ERI3: variants seen among roughly 807,000 people sequenced by gnomAD.
The protein encoded by ERI3 is ERI1 exoribonuclease 3.
In ERI3, 18 loss-of-function variants were observed where a neutral mutation model predicts 44.4. That is an observed-to-expected ratio of 0.41 (90% confidence interval 0.28 to 0.60). The LOEUF (loss-of-function observed/expected upper bound fraction) is 0.60. ERI3 is among the 20% of genes least tolerant of loss of function. The pLI is 0.36. For synonymous variants in ERI3, 183 were observed against 164.8 expected, an observed-to-expected ratio of 1.11 and a Z score of -0.84; for missense variants, 294 against 435.5, an observed-to-expected ratio of 0.68 and a Z score of 2.89.
intron 7 of ERI3, among the ~76,000 whole-genome samples, chr1:44,273,392 C>T (rs1046068794): frequency 6.6e-6 from 1 of 152,242 alleles, no homozygotes; most frequent in Non-Finnish European, 1.5e-5. Context: ...GGTTCAAATG[C>T]TAGCTTCACC....
chr1:44,349,672 A>C (rs1405323142), intron 2 of ERI3, among the ~76,000 whole-genome samples: 2 of 152,232 alleles, frequency 1.3e-5, no homozygotes, highest in African/African-American at 2.4e-5. Context: ...TTAAAAACTT[A>C]TTAATTATAT....
Position 44,259,689 on chromosome 1 carries a change from GACAC to G in ERI3, c.832-11655_832-11652del, listed in dbSNP as rs58901342. On this transcript the variant is annotated intron_variant, in intron 7 of 8. Coordinates refer to ENST00000372257, the MANE Select transcript of ERI3 (RefSeq NM_024066.3). Reference sequence around the variant, plus strand: ...AAATCCTATCTCTACAAAACACACAGACACACACACACACACACACACACACACA... The same window carrying G: ...AAATCCTATCTCTACAAAACACACAGACACACACACACACACACACACACA... 7.8e-3 allele frequency among the ~76,000 whole-genome samples: 1,089 copies of G among 140,372 alleles called. 3 individuals carry two copies. The highest frequency in any genetic ancestry group is 0.017 in the African/African-American group (595 of 36,052). The allele number at this position is 140,372 out of a possible 152,430, so 92.1% of individuals were successfully genotyped here.
chr1:44,266,893 T>C (rs773946060), intron 7 of ERI3, among the ~76,000 whole-genome samples: 23 of 152,218 alleles, frequency 1.5e-4, no homozygotes, highest in Non-Finnish European at 3.4e-4. Context: ...ATTAATTCCC[T>C]TCCCTCTCAT....
rs59509064 is a variant in ERI3, at chr1:44,241,805, CACATACATACATACATACAT to C, written c.931+6114_931+6133del. 4.0e-5 allele frequency: 7 copies of C among 175,328 alleles called. No individual in the cohort carries two copies. The highest frequency in any genetic ancestry group is 6.8e-5 in the Admixed American group (1 of 14,670). The allele number at this position is 175,328 out of a possible 1,614,324, so 10.9% of individuals were successfully genotyped here. The stretch of plus-strand genomic sequence containing the variant: ...TTCCTAAAGAATCAAACACACATAA[CACATACATACATACATACAT>C]ACATACATACATACATACATACATA... On this transcript the variant is annotated intron_variant, in intron 8 of 8. Coordinates refer to ENST00000372257, the MANE Select transcript of ERI3 (RefSeq NM_024066.3). This position sits in a 1 kb window ranked among gnomAD's most constrained non-coding sequence, Gnocchi z 5.6.
At chr1:44,243,873 A>G (rs1644496697) in intron 8 of ERI3, 1 of 152,158 alleles carries the variant, frequency 6.6e-6, no homozygotes, top group Admixed American at 6.5e-5. Flanking sequence ...AGGGTGCTTC[A>G]TAGTTCCACA....
intron 3 of ERI3, chr1:44,323,098 C>A: frequency 2.1e-6 from 1 of 478,142 alleles, no homozygotes; most frequent in Non-Finnish European, 3.4e-6. Context: ...AAAAGTAGCA[C>A]CAGGAAGGAA....
chr1:44,227,536 A>G (rs1317772325), intron 8 of ERI3, among the ~76,000 whole-genome samples: 1 of 151,808 alleles, frequency 6.6e-6, no homozygotes, highest in Non-Finnish European at 1.5e-5. Context: ...CACCAGCTCC[A>G]TACAGGACAT....
In ERI3 at chr1:44,221,462, T is replaced by G. The variant is rs1317965390; in HGVS notation, c.*96A>C. ...GCTGGGGACACTCTGGACACAGAGC[T>G]ATGCCACTCTCCCTCTTCCCCTCTG... On this transcript the variant is annotated 3_prime_UTR_variant, in exon 9 of 9. Transcript: ENST00000372257. This position sits in a 1 kb window ranked among gnomAD's most constrained non-coding sequence, Gnocchi z 5.9. 1 of 1,028,006 alleles carries G rather than the reference T, an allele frequency of 9.7e-7. No homozygotes were observed. The highest frequency in any genetic ancestry group is 1.5e-6 in the Non-Finnish European group (1 of 664,526). The allele number at this position is 1,028,006 out of a possible 1,614,324, so 63.7% of individuals were successfully genotyped here.
intron 8 of ERI3, among the ~76,000 whole-genome samples, chr1:44,223,997 C>T (rs999150065): frequency 2.6e-5 from 4 of 152,214 alleles, no homozygotes; most frequent in Non-Finnish European, 5.9e-5. Context: ...TTACCCCTCA[C>T]CCTGCTATGT....
At chr1:44,309,187 C>A (rs1034893864) in intron 5 of ERI3, among the ~76,000 whole-genome samples, 1 of 152,148 alleles carries the variant, frequency 6.6e-6, no homozygotes, top group Non-Finnish European at 1.5e-5. Context: ...CAGTATACAA[C>A]AAGAGAAATA....
At chr1:44,342,126 C>T (rs943836174) in intron 2 of ERI3, among the ~76,000 whole-genome samples, 2 of 152,078 alleles carry the variant, frequency 1.3e-5, no homozygotes, top group Non-Finnish European at 1.5e-5. Flanking sequence ...ATATCTACAA[C>T]GGGTGGAGTA....
At chr1:44,347,689 G>A (rs1646811298) in intron 2 of ERI3, among the ~76,000 whole-genome samples, 1 of 151,648 alleles carries the variant, frequency 6.6e-6, no homozygotes, top group African/African-American at 2.4e-5. Flanking sequence ...TAAGATATTA[G>A]GTATGTTTCT....
intron 6 of ERI3, among the ~76,000 whole-genome samples, chr1:44,295,881 G>C (rs1272739289): frequency 6.6e-6 from 1 of 152,172 alleles, no homozygotes; most frequent in East Asian, 1.9e-4. Flanking sequence ...GCATTCAAGG[G>C]TCTGTCCCCT....
intron 8 of ERI3, among the ~76,000 whole-genome samples, chr1:44,227,592 A>G (rs1644075599): frequency 6.6e-6 from 1 of 152,194 alleles, no homozygotes; most frequent in African/African-American, 2.4e-5. Flanking sequence ...TCTGAAATTC[A>G]GATTTAACTA....
intron 6 of ERI3, among the ~76,000 whole-genome samples, chr1:44,303,089 G>A (rs559741603): frequency 6.6e-6 from 1 of 152,326 alleles, no homozygotes; most frequent in Admixed American, 6.5e-5. Flanking sequence ...TTTTCCAGGA[G>A]TCCCAACCCT....
intron 4 of ERI3, among the ~76,000 whole-genome samples, chr1:44,314,424 G>A (rs1224572800): frequency 6.6e-6 from 1 of 152,158 alleles, no homozygotes; most frequent in African/African-American, 2.4e-5. Context: ...TCCAGAAACT[G>A]TTTTTATATT....
In ERI3 at chr1:44,248,942, C is replaced by A. The variant is rs531722832; in HGVS notation, c.832-904G>T. ...AACCTCCACCTGGGGGGGGGACACACGGCAGCTCAGGGGCAGCGCCTTCCC... is the reference window on the plus strand; with the variant it reads ...AACCTCCACCTGGGGGGGGGACACAAGGCAGCTCAGGGGCAGCGCCTTCCC... On this transcript the variant is annotated intron_variant, in intron 7 of 8. Transcript: ENST00000372257. Among the ~76,000 whole-genome samples the A allele has an allele frequency of 1.2e-4, 19 of 152,184 alleles. No individual in the cohort carries two copies. The East Asian group carries it at 3.3e-3, about 26-fold the overall frequency.
At chr1:44,317,273 T>C (rs1646109146) in intron 4 of ERI3, among the ~76,000 whole-genome samples, 1 of 152,080 alleles carries the variant, frequency 6.6e-6, no homozygotes, top group South Asian at 2.1e-4. Flanking sequence ...TAATGAGAGA[T>C]TTTCTCTGGT....
intron 1 of ERI3, 100 bp from the exon 2 acceptor site, chr1:44,353,025 G>A: frequency 6.4e-7 from 1 of 1,573,646 alleles, no homozygotes; most frequent in South Asian, 1.2e-5. Context: ...TCAAACTTCG[G>A]GATAACTGCT....
Sources: gnomAD v4.1 joint callset for allele counts (sites outside exome capture counted in the v4.1 genomes callset) on GRCh38, gnomAD v4.1.1 for gene constraint, Gnocchi (gnomAD v3.1) non-coding constraint, MANE v1.5 for transcripts, NCBI Gene and HGNC (gene_info 2026-07-23, HGNC 2026-07-21) for gene names.